TRMT61B: variants seen among roughly 807,000 people sequenced by gnomAD.
TRMT61B encodes tRNA (adenine(58)-N(1))-methyltransferase, mitochondrial.
A neutral mutation model predicts 52.0 loss-of-function variants in TRMT61B; 56 were observed. That is an observed-to-expected ratio of 1.08 (90% CI 0.87 to 1.35). The LOEUF (loss-of-function observed/expected upper bound fraction) is 1.35, where lower values mean the gene tolerates loss of function less well. TRMT61B is among the 40% of genes most tolerant of loss of function. The pLI is 0.00. For synonymous variants in TRMT61B, 206 were observed against 220.0 expected (o/e 0.94, Z 0.56); for missense variants, 650 against 577.9 (o/e 1.12, Z -1.28).
At chr2:28,866,218 T>C (rs1467014951) in intron 1 of TRMT61B, among the ~76,000 whole-genome samples, 2 of 152,008 alleles carry the variant, frequency 1.3e-5, no homozygotes, top group Non-Finnish European at 2.9e-5. Flanking sequence ...CTCAAACTCC[T>C]GATTTCAGGT....
At position 28,857,316 on chromosome 2, in the gene TRMT61B, C is replaced by A. The variant is rs80030565; in HGVS notation, c.993+3802G>T. ...GCTCTTTTGAATGTATAATTTTTGT[C>A]TTAGCACAGCACACGACACATGGCA... On this transcript the variant is annotated intron_variant, in intron 3 of 6. Coordinates refer to ENST00000306108, the MANE Select transcript of TRMT61B (RefSeq NM_017910.4). 5.8e-3 allele frequency among the ~76,000 whole-genome samples: 877 copies of A among 151,698 alleles called. 7 individuals carry two copies. Among genetic ancestry groups the A allele is most frequent in the African/African-American group, 0.02 (833 of 41,380 alleles).
At chr2:28,868,028 G>A (rs571543641) in intron 1 of TRMT61B, among the ~76,000 whole-genome samples, 84 of 152,184 alleles carry the variant, frequency 5.5e-4, no homozygotes, top group African/African-American at 2.0e-3. Context: ...CTCTAGCCTG[G>A]GTGACATAGC....
chr2:28,867,725 A>G (rs1669907575), intron 1 of TRMT61B, among the ~76,000 whole-genome samples: 1 of 152,138 alleles, frequency 6.6e-6, no homozygotes, highest in South Asian at 2.1e-4. Context: ...ACGGGGAAGC[A>G]AGATAAAATT....
At chr2:28,852,524 G>A in intron 3 of TRMT61B, 25 bp from the exon 4 acceptor site, 3 of 1,420,784 alleles carry the variant, frequency 2.1e-6, no homozygotes, top group Non-Finnish European at 3.0e-6. Flanking sequence ...AAGAGAACTG[G>A]ATCAGTCTGA....
rs1409971058 is a variant in TRMT61B at position 28,859,886 on chromosome 2, G to T, written c.993+1232C>A. Among the ~76,000 whole-genome samples, 6 of 152,050 alleles carry T rather than the reference G, an allele frequency of 3.9e-5. No individual in the cohort carries two copies. The East Asian group carries it at 7.7e-4, about 20-fold the overall frequency. ...GCTGTAACATGCAAGCCATAAATGA[G>T]AAAAAAGAACTGAGGTCTTTCTGTA... On this transcript the variant is annotated intron_variant, in intron 3 of 6. Transcript: ENST00000306108.
At position 28,865,038 on chromosome 2, in the gene TRMT61B, T is replaced by G. The variant is rs1669770787; in HGVS notation, c.781A>C (p.Ser261Arg). Reference protein sequence around the residue: ...LEAGSGSGGMSLFLSKAVGSQ... With the variant: ...LEAGSGSGGMRLFLSKAVGSQ... ...TTACCTGCTTTGGATAAAAATAAGCTCATTCCACCAGAGCCTGAGCCAGCT... is the reference window on the plus strand; with the variant it reads ...TTACCTGCTTTGGATAAAAATAAGCGCATTCCACCAGAGCCTGAGCCAGCT... The change falls in exon 2 of 7, where the codon AGC (serine) becomes CGC (arginine). Residue 261 changes from serine to arginine, a missense_variant. Physicochemically the swap from Ser to Arg is moderately radical, Grantham distance 110 (BLOSUM62 -1). Transcript: ENST00000306108. 1 of 1,612,080 alleles carries G rather than the reference T, an allele frequency of 6.2e-7. No individual in the cohort carries two copies. Among genetic ancestry groups the G allele is most frequent in the Non-Finnish European group, 8.5e-7 (1 of 1,178,318 alleles).
rs540569211 is a variant in TRMT61B, at chr2:28,860,272, C to CAAAAAAAAAAAAAA, written c.993+832_993+845dup. Reference sequence around the variant, plus strand: ...AAGCAACAGAATGAGACTCTGTTGCCAAAAAAAAAAAAAAAAAAAAAAAAA... The same window carrying CAAAAAAAAAAAAAA: ...AAGCAACAGAATGAGACTCTGTTGCCAAAAAAAAAAAAAAAAAAAAAAAAAAAAAAAAAAAAAAA... On this transcript the variant is annotated intron_variant, in intron 3 of 6. Transcript: ENST00000306108. Among the ~76,000 whole-genome samples the CAAAAAAAAAAAAAA allele has an allele frequency of 2.4e-4, 6 of 24,492 alleles. 1 individual carries two copies. Among genetic ancestry groups the CAAAAAAAAAAAAAA allele is most frequent in the Non-Finnish European group, 3.2e-4 (4 of 12,366 alleles). The allele number at this position is 24,492 out of a possible 152,430, so 16.1% of individuals were successfully genotyped here. A position where few individuals can be genotyped will look rare whatever the true frequency, so the allele number is the denominator to read the frequency against.
rs1203059881 is a variant in TRMT61B at position 28,869,816 on chromosome 2, C to G, written c.462G>C (p.Gly154=). The G allele has an allele frequency of 2.5e-6, 4 of 1,614,000 alleles. No individual in the cohort carries two copies. Among genetic ancestry groups the G allele is most frequent in the Non-Finnish European group, 3.4e-6 (4 of 1,180,014 alleles). The change falls in exon 1 of 7, where the codon GGG becomes GGC. Residue 154 remains glycine (G), a synonymous_variant. Transcript: ENST00000306108. ...CCCCAGTCTCAGCTAAAATCAGTTC[C>G]CCAGCCTGAAAGGGTCTCTCTCTGG... ...STSRERPFQA[G]ELILAETGEG... is the part of the protein sequence containing the mutation.
Position 28,851,913 on chromosome 2 carries a change from T to TAA in TRMT61B, c.1085+493_1085+494dup, listed in dbSNP as rs1230041550. ...AAAAAAAAAAAAAACGAAAAAAGTT[T>TAA]AAAAAAAAAAAACACTAAATAAATA... On this transcript the variant is annotated intron_variant, in intron 4 of 6. Coordinates refer to ENST00000306108, the MANE Select transcript of TRMT61B (RefSeq NM_017910.4). 1.1e-4 allele frequency among the ~76,000 whole-genome samples: 15 copies of TAA among 133,710 alleles called. No individual in the cohort carries two copies. The South Asian group carries it at 3.3e-3, about 29-fold the overall frequency. 87.7% of individuals were successfully genotyped at this position (133,710 alleles called of 152,430 possible). A position where few individuals can be genotyped will look rare whatever the true frequency, so the allele number is the denominator to read the frequency against.
intron 3 of TRMT61B, among the ~76,000 whole-genome samples, chr2:28,855,239 C>T (rs950827448): frequency 2.0e-5 from 3 of 152,194 alleles, no homozygotes; most frequent in African/African-American, 4.8e-5. Flanking sequence ...TTTAGCTTTA[C>T]TCAATTGAGA....
chr2:28,853,066 T>C (rs1020293317), intron 3 of TRMT61B, among the ~76,000 whole-genome samples: 1 of 152,216 alleles, frequency 6.6e-6, no homozygotes, highest in Admixed American at 6.5e-5. Flanking sequence ...TATGTATGTA[T>C]ATATGAATAT....
In TRMT61B at chr2:28,850,396, T is replaced by C; in HGVS notation, c.1322A>G (p.His441Arg). 6.2e-7 allele frequency: 1 copy of C among 1,605,084 alleles called. No individual in the cohort carries two copies. The highest frequency in any genetic ancestry group is 8.5e-7 in the Non-Finnish European group (1 of 1,175,404). ...AAATGATCCATATGGAAAATCAGAATGCGATTCTTCTGTTGTAAAAAAATA... is the reference window on the plus strand; with the variant it reads ...AAATGATCCATATGGAAAATCAGAACGCGATTCTTCTGTTGTAAAAAAATA... ...LFQEDDHEES[H>R]SDFPYGSFPY... is the part of the protein sequence containing the mutation. Residue 441 changes from histidine (H) to arginine (R), a missense_variant, in exon 6 of 7, where the codon CAT (histidine) becomes CGT (arginine). His to Arg is a conservative substitution (Grantham distance 29). Coordinates refer to ENST00000306108, the MANE Select transcript of TRMT61B (RefSeq NM_017910.4).
intron 5 of TRMT61B, 111 bp downstream of exon 5, chr2:28,850,961 C>A: frequency 1.5e-6 from 1 of 687,858 alleles, no homozygotes; most frequent in Non-Finnish European, 2.3e-6. Flanking sequence ...ATAAATATCA[C>A]ACTTTTCTAT....
intron 3 of TRMT61B, among the ~76,000 whole-genome samples, chr2:28,859,038 G>T (rs2148133993): frequency 6.7e-6 from 1 of 150,232 alleles, no homozygotes; most frequent in Non-Finnish European, 1.5e-5. Flanking sequence ...GGGATTGTAG[G>T]CGCCCACCGC....
chr2:28,864,980 C>CT (rs1249384217), intron 2 of TRMT61B, 37 bp downstream of exon 2: 2 of 1,234,880 alleles, frequency 1.6e-6, no homozygotes, highest in African/African-American at 3.0e-5. Flanking sequence ...TGAATGTTTT[C>CT]TTTGTTACTG....
chr2:28,851,310 G>C lies in TRMT61B; in HGVS notation c.1086-12C>G. 6.4e-7 allele frequency: 1 copy of C among 1,555,874 alleles called. No homozygotes were observed. The highest frequency in any genetic ancestry group is 8.7e-7 in the Non-Finnish European group (1 of 1,147,798). ...TAACCTGTGTGATGCTTTCAGAAAA[G>C]TGAAAAATTTACATTTCTACTAAAA... On this transcript the variant is annotated splice_polypyrimidine_tract_variant and intron_variant, in intron 4 of 6. Transcript: ENST00000306108.
intron 3 of TRMT61B, among the ~76,000 whole-genome samples, chr2:28,852,779 G>A (rs1337073960): frequency 1.3e-5 from 2 of 151,696 alleles, no homozygotes; most frequent in Admixed American, 6.6e-5. Context: ...GCAACATAGC[G>A]AGACTCTGAC....
chr2:28,866,649 C>G (rs1669861758), intron 1 of TRMT61B, among the ~76,000 whole-genome samples: 1 of 152,076 alleles, frequency 6.6e-6, no homozygotes, highest in Admixed American at 6.6e-5. Flanking sequence ...CAGTCCTCAG[C>G]CTGGGGGTAG....
chr2:28,860,258 T>C (rs1402896817), intron 3 of TRMT61B, among the ~76,000 whole-genome samples: 1 of 78,784 alleles, frequency 1.3e-5, no homozygotes, highest in Admixed American at 2.3e-4. Flanking sequence ...AGCAACAGAA[T>C]GAGACTCTGT....
Sources: allele counts gnomAD v4.1 joint callset (sites outside exome capture counted in the v4.1 genomes callset), GRCh38; gene constraint gnomAD v4.1.1; transcripts MANE v1.5; gene names NCBI Gene and HGNC (gene_info 2026-07-23, HGNC 2026-07-21).